Variants in STK3 observed in about 807,000 individuals in gnomAD.
STK3 encodes the protein serine/threonine-protein kinase 3.
A neutral mutation model predicts 58.0 loss-of-function variants in STK3; 41 were observed. The observed-to-expected ratio is 0.71, with a 90% CI of 0.55 to 0.92. STK3 has a LOEUF of 0.92. STK3 is among the 40% of genes least tolerant of loss of function. The pLI, the probability that STK3 is intolerant of heterozygous loss-of-function variation, is 0.00. For missense variants in STK3, 479 were observed against 602.7 expected (o/e 0.79, Z 2.15); for synonymous variants, 170 against 191.0 (o/e 0.89, Z 0.91).
chr8:98,599,018 A>G (rs1159652149), intron 6 of STK3: 3 of 495,728 alleles, frequency 6.1e-6, no homozygotes, highest in East Asian at 1.5e-4. Flanking sequence ...ACTGAACTTT[A>G]TAATCTCAGT....
At chr8:98,429,178 T>C in intron 3 of STK3, 1 of 1,613,884 alleles carries the variant, frequency 6.2e-7, no homozygotes, top group Non-Finnish European at 8.5e-7. Context: ...GCAGGCATCC[T>C]CGTGGTGGTC....
At chr8:98,903,556 C>CTTCTT (rs200556218) in intron 1 of STK3, among the ~76,000 whole-genome samples, 6,420 of 50,384 alleles carry the variant, frequency 0.13, 533 homozygotes, top group Middle Eastern at 0.18. Flanking sequence ...TCTTCTTCTT[C>CTTCTT]CTTTTTTTTT....
intron 3 of STK3, among the ~76,000 whole-genome samples, chr8:98,849,225 CAAA>C (rs1013187542): frequency 1.7e-4 from 9 of 52,130 alleles, no homozygotes; most frequent in Admixed American, 2.1e-4. Context: ...GACTCCATCT[CAAA>C]AAAAAAAAAA....
chr8:98,500,286 C>T (rs1038434187), intron 10 of STK3, among the ~76,000 whole-genome samples: 1 of 152,114 alleles, frequency 6.6e-6, no homozygotes, highest in Non-Finnish European at 1.5e-5. Flanking sequence ...AATCCCAGCA[C>T]TTTGGGAGGC....
At chr8:98,547,762 C>CT (rs1016299404) in intron 9 of STK3, among the ~76,000 whole-genome samples, 2 of 152,142 alleles carry the variant, frequency 1.3e-5, no homozygotes, top group Admixed American at 6.6e-5. Context: ...TTCCATAACT[C>CT]TAAGTTGAAG....
intron 9 of STK3, among the ~76,000 whole-genome samples, chr8:98,544,649 A>AACACACACAC (rs59159370): frequency 2.9e-4 from 40 of 137,596 alleles, no homozygotes; most frequent in African/African-American, 5.1e-4. Flanking sequence ...ATTCTACTAT[A>AACACACACAC]ACACACACAC....
rs191373753 is a variant in STK3 at position 98,888,226 on chromosome 8, G to A, written c.-78-4392C>T. ...CCCAGCTACTCAGGAGGCTGAGGCA[G>A]GAGAATCGCTTGAACCTGGGAGGCG... is the stretch of plus-strand genomic sequence containing the variant. On this transcript the variant is annotated intron_variant, in intron 1 of 1. Transcript: ENST00000519420. 1.1e-3 allele frequency among the ~76,000 whole-genome samples: 160 copies of A among 152,284 alleles called. 2 individuals carry two copies. The highest frequency in any genetic ancestry group is 3.3e-3 in the African/African-American group (137 of 41,552).
chr8:98,731,321 T>C (rs571158444), intron 4 of STK3, among the ~76,000 whole-genome samples: 216 of 152,206 alleles, frequency 1.4e-3, no homozygotes, highest in Non-Finnish European at 2.2e-3. Flanking sequence ...GAACAAGAGT[T>C]GGCTCCTTGA....
chr8:98,618,384 T>C (rs1302010550), intron 6 of STK3, among the ~76,000 whole-genome samples: 1 of 151,864 alleles, frequency 6.6e-6, no homozygotes, highest in African/African-American at 2.4e-5. Context: ...ACTGGAAGCA[T>C]TCCCTTTGAA....
At chr8:98,583,330 C>T (rs958716878) in intron 7 of STK3, among the ~76,000 whole-genome samples, 3 of 152,134 alleles carry the variant, frequency 2.0e-5, no homozygotes, top group Admixed American at 6.5e-5. Flanking sequence ...TTCAAATTCT[C>T]GGCCTCCCCT....
At chr8:98,345,884 G>T in the STK3 span, among the ~76,000 whole-genome samples, 1 of 152,122 alleles carries the variant, frequency 6.6e-6, no homozygotes, top group Non-Finnish European at 1.5e-5. Flanking sequence ...GGATGGAACT[G>T]ATGGCAGACT....
At chr8:98,436,362 G>A (rs1368026647) in intron 2 of STK3, among the ~76,000 whole-genome samples, 2 of 151,940 alleles carry the variant, frequency 1.3e-5, no homozygotes, top group African/African-American at 2.4e-5. Flanking sequence ...CCTCACTCCC[G>A]AGCCCCACAC....
intron 2 of STK3, among the ~76,000 whole-genome samples, chr8:98,772,652 C>T (rs1409926410): frequency 1.3e-5 from 2 of 152,054 alleles, no homozygotes; most frequent in East Asian, 1.9e-4. Context: ...GCCACGATCA[C>T]GCCATTGCAC....
At chr8:98,815,708 G>C (rs573518458) in intron 1 of STK3, among the ~76,000 whole-genome samples, 1 of 152,224 alleles carries the variant, frequency 6.6e-6, no homozygotes, top group African/African-American at 2.4e-5. Flanking sequence ...GAGAAAGACA[G>C]GGAACTAATT....
chr8:98,580,219 C>A (rs1015362185), intron 7 of STK3, among the ~76,000 whole-genome samples: 2 of 152,196 alleles, frequency 1.3e-5, no homozygotes, highest in South Asian at 4.2e-4. Context: ...AAAAGGAGAG[C>A]AACTATTTTG....
intron 1 of STK3, among the ~76,000 whole-genome samples, chr8:98,924,625 G>A (rs576573445): frequency 1.3e-5 from 2 of 152,324 alleles, no homozygotes; most frequent in East Asian, 3.9e-4. Context: ...TTTGGGCATG[G>A]AAGTGGGTTT....
the STK3 span, among the ~76,000 whole-genome samples, chr8:98,360,806 A>T: frequency 6.6e-6 from 1 of 152,210 alleles, no homozygotes; most frequent in African/African-American, 2.4e-5. Context: ...CATGCCAGTG[A>T]TTAGATAGCT....
At chr8:98,376,293 TG>T in intron 2 of STK3, among the ~76,000 whole-genome samples, 1 of 152,356 alleles carries the variant, frequency 6.6e-6, no homozygotes, top group South Asian at 2.1e-4. Flanking sequence ...TGTTGAGTTT[TG>T]AGAATTCCTT....
intron 10 of STK3, among the ~76,000 whole-genome samples, chr8:98,505,193 G>A (rs1385683942): frequency 6.6e-6 from 1 of 152,146 alleles, no homozygotes; most frequent in Non-Finnish European, 1.5e-5. Context: ...GGCTATTGAA[G>A]CTTGTGCATG....
Sources: allele counts gnomAD v4.1 joint callset (sites outside exome capture counted in the v4.1 genomes callset), GRCh38; gene constraint gnomAD v4.1.1; transcripts MANE v1.5; gene names NCBI Gene and HGNC (gene_info 2026-07-23, HGNC 2026-07-21).